The following NCK2 variants were observed in gnomAD, a reference collection of about 807,000 sequenced individuals.
The protein encoded by NCK2 is cytoplasmic protein NCK2.
NCK2 carries 16 observed loss-of-function variants against 33.9 expected under a neutral mutation model. The ratio of observed to expected loss-of-function variants is 0.47; its 90% CI spans 0.32 to 0.72. NCK2 has a LOEUF of 0.72. Among genes scored for constraint, NCK2 ranks in the 30% least tolerant of loss-of-function variants. The pLI, the probability that NCK2 is intolerant of heterozygous loss-of-function variation, is 0.03. For synonymous variants in NCK2, 273 were observed against 239.9 expected (o/e 1.14, Z -1.27); for missense variants, 418 against 537.3 (o/e 0.78, Z 2.19).
intron 2 of NCK2, among the ~76,000 whole-genome samples, chr2:105,832,259 A>G (rs962740328): frequency 6.6e-6 from 1 of 152,156 alleles, no homozygotes; most frequent in Non-Finnish European, 1.5e-5. Flanking sequence ...CTGTTTACCA[A>G]TTCTACAGTA....
upstream of NCK2, among the ~76,000 whole-genome samples, chr2:105,744,567 GC>G (rs1299243354): frequency 1.3e-5 from 2 of 151,892 alleles, no homozygotes; most frequent in African/African-American, 2.4e-5. Context: ...CACCTACCCT[GC>G]CCCCCACCGC....
At chr2:105,869,054 TCCAGCC>T (rs1460311924) in intron 3 of NCK2, among the ~76,000 whole-genome samples, 2 of 152,302 alleles carry the variant, frequency 1.3e-5, no homozygotes, top group East Asian at 1.9e-4. Context: ...CAGCATACGA[TCCAGCC>T]CCGCTGCCCA....
intron 1 of NCK2, among the ~76,000 whole-genome samples, chr2:105,760,884 C>T (rs1429025902): frequency 6.6e-6 from 1 of 151,994 alleles, no homozygotes; most frequent in Admixed American, 6.6e-5. Context: ...TTCATAGTTT[C>T]TACATGTGTC....
At chr2:105,873,444 TC>T (rs1318286082) in intron 3 of NCK2, among the ~76,000 whole-genome samples, 2 of 152,152 alleles carry the variant, frequency 1.3e-5, no homozygotes, top group Non-Finnish European at 2.9e-5. Context: ...AAGCCCAGAT[TC>T]TCCAGGCTTA....
chr2:105,875,379 C>G (rs958841851), intron 3 of NCK2, among the ~76,000 whole-genome samples: 1 of 152,230 alleles, frequency 6.6e-6, no homozygotes, highest in Non-Finnish European at 1.5e-5. Flanking sequence ...GCCCAGTCCC[C>G]TGGGCTGTAC....
At chr2:105,776,724 C>A (rs1387001262) in intron 1 of NCK2, among the ~76,000 whole-genome samples, 4 of 152,180 alleles carry the variant, frequency 2.6e-5, no homozygotes, top group African/African-American at 9.7e-5. Context: ...TGGACTTAGT[C>A]CAGGCTCCGG....
At chr2:105,883,761 GCTAA>G (rs796207320) in intron 4 of NCK2, among the ~76,000 whole-genome samples, 53 of 152,318 alleles carry the variant, frequency 3.5e-4, no homozygotes, top group African/African-American at 1.2e-3. Flanking sequence ...TAGAGAATGA[GCTAA>G]CTTTTTCTAA....
chr2:105,863,715 C>T (rs528424245), intron 3 of NCK2, among the ~76,000 whole-genome samples: 26 of 152,250 alleles, frequency 1.7e-4, no homozygotes, highest in African/African-American at 6.3e-4. Flanking sequence ...GCTCGGGCAC[C>T]TGTGCTTTCA....
rs115142546 is a variant in NCK2, at chr2:105,777,871, G to T, written c.-201+32733G>T. Among the ~76,000 whole-genome samples, 798 of 152,322 alleles carry T rather than the reference G, an allele frequency of 5.2e-3. 8 individuals are homozygous for T. The highest frequency in any genetic ancestry group is 0.017 in the African/African-American group (713 of 41,566). ...TGTGCTCGTATTGAAGAGAGGATCG[G>T]TACTGGGGTGACAGCTCACAGGATT... On this transcript the variant is annotated intron_variant, in intron 1 of 4. Transcript: ENST00000233154.
chr2:105,871,152 T>C (rs1438259725), intron 3 of NCK2, among the ~76,000 whole-genome samples: 1 of 151,966 alleles, frequency 6.6e-6, no homozygotes, highest in Non-Finnish European at 1.5e-5. Context: ...TGCAGATGTG[T>C]ATTGAATGCC....
chr2:105,839,681 G>A (rs1573185814), intron 2 of NCK2, among the ~76,000 whole-genome samples: 1 of 152,358 alleles, frequency 6.6e-6, no homozygotes, highest in East Asian at 1.9e-4. Flanking sequence ...TCCAGATGCA[G>A]ATGTTCACCA....
chr2:105,827,094 C>T (rs897342127), intron 2 of NCK2, among the ~76,000 whole-genome samples: 3 of 151,804 alleles, frequency 2.0e-5, no homozygotes, highest in Admixed American at 1.3e-4. Context: ...CTGCCTCCCA[C>T]GTTCACACCA....
At chr2:105,776,879 G>T (rs1030190479) in intron 1 of NCK2, among the ~76,000 whole-genome samples, 3 of 151,524 alleles carry the variant, frequency 2.0e-5, no homozygotes, top group Admixed American at 6.6e-5. Flanking sequence ...TGGCCTTGGG[G>T]TTCTTCCTGA....
intron 4 of NCK2, among the ~76,000 whole-genome samples, chr2:105,886,028 G>A (rs1678709458): frequency 6.6e-6 from 1 of 152,178 alleles, no homozygotes; most frequent in Non-Finnish European, 1.5e-5. Flanking sequence ...TGCTTCCAGG[G>A]TTTCATGGTT....
At chr2:105,804,002 T>C (rs2104452192) in intron 1 of NCK2, among the ~76,000 whole-genome samples, 1 of 152,300 alleles carries the variant, frequency 6.6e-6, no homozygotes, top group African/African-American at 2.4e-5. Context: ...AGGAGTAAAT[T>C]AACACGTTGA....
intron 1 of NCK2, among the ~76,000 whole-genome samples, chr2:105,777,662 C>T (rs1690356643): frequency 6.6e-6 from 1 of 152,194 alleles, no homozygotes; most frequent in African/African-American, 2.4e-5. Flanking sequence ...AGTCTGTGGA[C>T]ACCAATGCGC....
chr2:105,835,408 T>TATATATATATATATATATACATAC (rs1553458610), intron 2 of NCK2, among the ~76,000 whole-genome samples: 3 of 41,274 alleles, frequency 7.3e-5, no homozygotes, highest in Admixed American at 2.8e-4. Context: ...TATATATACG[T>TATATATATATATATATATACATAC]GTATATATAT....
At chr2:105,852,523 A>AG (rs1462768287) in intron 2 of NCK2, among the ~76,000 whole-genome samples, 1 of 152,196 alleles carries the variant, frequency 6.6e-6, no homozygotes, top group African/African-American at 2.4e-5. Flanking sequence ...GGTGTGCGTG[A>AG]AAATAGATCC....
intron 1 of NCK2, among the ~76,000 whole-genome samples, chr2:105,773,938 A>G (rs1359705232): frequency 1.3e-5 from 2 of 152,094 alleles, no homozygotes; most frequent in Non-Finnish European, 2.9e-5. Flanking sequence ...TTTATAAGAA[A>G]GATGTCAGAG....
Sources: gnomAD v4.1 joint callset for allele counts (sites outside exome capture counted in the v4.1 genomes callset) on GRCh38, gnomAD v4.1.1 for gene constraint, MANE v1.5 for transcripts, NCBI Gene and HGNC (gene_info 2026-07-23, HGNC 2026-07-21) for gene names.